The following BET1 variants were observed in gnomAD, a reference collection of about 807,000 sequenced individuals.
BET1 encodes the protein BET1 homolog.
A neutral mutation model predicts 13.9 loss-of-function variants in BET1; 9 were observed. That is an observed-to-expected ratio of 0.65 (90% CI 0.39 to 1.13). The LOEUF is 1.13. Ranked by LOEUF, BET1 falls within the 50% of genes most tolerant of loss-of-function variation. The pLI is 0.01. For synonymous variants in BET1, 39 were observed against 47.3 expected (o/e 0.82, Z 0.72); for missense variants, 127 against 133.6 (o/e 0.95, Z 0.24).
At chr7:93,992,736 T>C (rs1009363591), downstream of BET1, 1 of 944,508 alleles carries the variant, frequency 1.1e-6, no homozygotes, top group African/African-American at 1.8e-5. Flanking sequence ...GATTATCGCA[T>C]ACCAGGCACT....
At chr7:93,999,730 G>A (rs1192014314) in intron 1 of BET1, 3 of 456,232 alleles carry the variant, frequency 6.6e-6, no homozygotes, top group East Asian at 7.0e-5. Context: ...TCATAGCGGC[G>A]AGGGTTCTTT....
intron 5 of BET1, among the ~76,000 whole-genome samples, chr7:93,975,380 A>G (rs1282345369): frequency 6.6e-6 from 1 of 152,092 alleles, no homozygotes; most frequent in Non-Finnish European, 1.5e-5. Flanking sequence ...GAATATTGAG[A>G]ATAGCTATCT....
At chr7:93,966,079 T>C (rs1021645305) in intron 6 of BET1, among the ~76,000 whole-genome samples, 5 of 151,994 alleles carry the variant, frequency 3.3e-5, no homozygotes, top group African/African-American at 1.2e-4. Context: ...GGAATATTAA[T>C]GGTGGTCACT....
chr7:93,976,246 T>C, intron 4 of BET1: 1 of 537,674 alleles, frequency 1.9e-6, no homozygotes, highest in Non-Finnish European at 2.7e-6. Flanking sequence ...GCTTATGTGA[T>C]AGAAAGCTTT....
rs79880759 is a variant in BET1 at position 93,978,508 on chromosome 7, T to A, written c.236-2408A>T. ...ATTTCCCCCTTGATGCATTTCTCATTACATTATCATACATTGTTAGAGTTT... is the reference window on the plus strand; with the variant it reads ...ATTTCCCCCTTGATGCATTTCTCATAACATTATCATACATTGTTAGAGTTT... On this transcript the variant is annotated intron_variant and NMD_transcript_variant, in intron 4 of 6. Transcript: ENST00000357520. 4.8e-3 allele frequency among the ~76,000 whole-genome samples: 737 copies of A among 152,316 alleles called. 11 individuals are homozygous for A. Among genetic ancestry groups the A allele is most frequent in the African/African-American group, 0.016 (675 of 41,578 alleles).
In BET1 at chr7:93,994,044, T is replaced by C. The variant is rs2116113123; in HGVS notation, c.*186A>G. The stretch of plus-strand genomic sequence containing the variant: ...TGAAAATAGGGGCTAAAATGAGTCA[T>C]TAAGAAACAGTATTCAAAGACCACT... On this transcript the variant is annotated 3_prime_UTR_variant, in exon 4 of 4. Transcript: ENST00000222547. The C allele has an allele frequency of 6.8e-7, 1 of 1,467,196 alleles. No individual in the cohort carries two copies. Among genetic ancestry groups the C allele is most frequent in the Non-Finnish European group, 8.9e-7 (1 of 1,118,358 alleles). 90.9% of individuals were successfully genotyped at this position (1,467,196 alleles called of 1,614,324 possible).
chr7:93,966,127 A>G (rs1272115492), intron 6 of BET1, among the ~76,000 whole-genome samples: 1 of 151,978 alleles, frequency 6.6e-6, no homozygotes, highest in Non-Finnish European at 1.5e-5. Flanking sequence ...GGAATCACTA[A>G]AATTACTGAT....
intron 1 of BET1, among the ~76,000 whole-genome samples, chr7:94,003,569 T>A (rs1795961605): frequency 6.6e-6 from 1 of 152,198 alleles, no homozygotes; most frequent in Non-Finnish European, 1.5e-5. Context: ...AACTTATTCT[T>A]GCTGATGAGC....
intron 4 of BET1, among the ~76,000 whole-genome samples, chr7:93,984,334 A>G (rs1795484930): frequency 6.6e-6 from 1 of 152,068 alleles, no homozygotes; most frequent in Non-Finnish European, 1.5e-5. Context: ...GCTATTTCCA[A>G]ATAAGGTCAT....
At chr7:93,999,511 C>CATTTTG in intron 1 of BET1, 2 of 521,564 alleles carry the variant, frequency 3.8e-6, no homozygotes, top group Non-Finnish European at 6.7e-6. Context: ...CAGTTCAGTT[C>CATTTTG]ATTTTGATAC....
chr7:93,964,891 C>T (rs568337357), exon 7 of BET1: 1 of 152,032 alleles, frequency 6.6e-6, no homozygotes, highest in African/African-American at 2.4e-5. Context: ...TAAATTAGTT[C>T]TGCCACTGTG....
intron 4 of BET1, among the ~76,000 whole-genome samples, chr7:93,984,445 G>A (rs1410968614): frequency 6.6e-6 from 1 of 152,120 alleles, no homozygotes; most frequent in Non-Finnish European, 1.5e-5. Flanking sequence ...TTTTAGTACT[G>A]TTACAATGTC....
At chr7:93,979,170 C>A (rs1795387240) in intron 4 of BET1, among the ~76,000 whole-genome samples, 1 of 152,088 alleles carries the variant, frequency 6.6e-6, no homozygotes, top group Non-Finnish European at 1.5e-5. Flanking sequence ...AAGGGAGTAT[C>A]TTCAATCCCT....
chr7:93,982,136 G>A (rs1395236814), intron 4 of BET1, among the ~76,000 whole-genome samples: 1 of 152,024 alleles, frequency 6.6e-6, no homozygotes, highest in Non-Finnish European at 1.5e-5. Context: ...GATTTTATAT[G>A]TATTTTTCTA....
intron 4 of BET1, among the ~76,000 whole-genome samples, chr7:93,979,711 C>T (rs1795395659): frequency 6.6e-6 from 1 of 152,122 alleles, no homozygotes; most frequent in Admixed American, 6.6e-5. Flanking sequence ...GAGGAAGTTT[C>T]CATCTCCCAG....
At chr7:93,999,695 G>A (rs1285089620) in intron 1 of BET1, 2 of 456,752 alleles carry the variant, frequency 4.4e-6, no homozygotes, top group Non-Finnish European at 8.8e-6. Context: ...GAAGGGAAAA[G>A]TGGTTAATAC....
chr7:93,997,132 T>C (rs1795788933), intron 2 of BET1, among the ~76,000 whole-genome samples: 1 of 152,160 alleles, frequency 6.6e-6, no homozygotes. Flanking sequence ...TAATACTTTA[T>C]AGGACAGATT....
exon 7 of BET1, chr7:93,963,427 C>A (rs148983590): frequency 2.7e-3 from 406 of 151,710 alleles, no homozygotes; most frequent in African/African-American, 9.5e-3. Context: ...ATCTAGTAGT[C>A]ATTTTTTTTC....
At chr7:93,979,697 T>C (rs1795395456) in intron 4 of BET1, among the ~76,000 whole-genome samples, 1 of 152,238 alleles carries the variant, frequency 6.6e-6, no homozygotes, top group East Asian at 1.9e-4. Flanking sequence ...TGCCATATGA[T>C]TGGGAGGAAG....
Sources: allele counts gnomAD v4.1 joint callset (sites outside exome capture counted in the v4.1 genomes callset), GRCh38; gene constraint gnomAD v4.1.1; transcripts MANE v1.5; gene names NCBI Gene and HGNC (gene_info 2026-07-23, HGNC 2026-07-21).